ARPP19: variants seen among roughly 807,000 people sequenced by gnomAD.
ARPP19 encodes cAMP-regulated phosphoprotein 19.
Under a neutral mutation model 12.0 loss-of-function variants are expected in ARPP19, and 8 were observed. That is an observed-to-expected ratio of 0.67 (90% CI 0.39 to 1.21). The LOEUF (loss-of-function observed/expected upper bound fraction) is 1.21. ARPP19 is among the 50% of genes most tolerant of loss of function. The probability of loss-of-function intolerance (pLI) is 0.01; values close to 1 mark genes in which losing one functional copy is unlikely to be tolerated. For synonymous variants in ARPP19, 47 were observed against 50.4 expected, an observed-to-expected ratio of 0.93 and a Z score of 0.29; for missense variants, 102 against 136.3, an observed-to-expected ratio of 0.75 and a Z score of 1.25.
chr15:52,563,014 T>A (rs956723989), intron 1 of ARPP19, among the ~76,000 whole-genome samples: 4 of 151,828 alleles, frequency 2.6e-5, no homozygotes, highest in African/African-American at 9.7e-5. Flanking sequence ...TAGCTGGGAT[T>A]ACAGGTGCCC....
In ARPP19 at chr15:52,547,075, A is replaced by C. The variant is rs1255531576; in HGVS notation, c.*4859T>G. On this transcript the variant is annotated 3_prime_UTR_variant, in exon 3 of 3. Coordinates refer to ENST00000249822, the MANE Select transcript of ARPP19 (RefSeq NM_006628.6). The stretch of plus-strand genomic sequence containing the variant: ...ATCTGCAAACATTTAATCCTACCTT[A>C]AGTACAAAGCCTTTACAAATGCAAA... The C allele has an allele frequency of 6.9e-6, 1 of 144,018 alleles. No individual in the cohort carries two copies. Among genetic ancestry groups the C allele is most frequent in the Non-Finnish European group, 1.5e-5 (1 of 66,408 alleles). 8.9% of individuals were successfully genotyped at this position (144,018 alleles called of 1,614,324 possible).
rs374523578 is a variant in ARPP19, at chr15:52,556,906, C to A, written c.168+194G>T. On this transcript the variant is annotated intron_variant, in intron 2 of 2. Coordinates refer to ENST00000249822, the MANE Select transcript of ARPP19 (RefSeq NM_006628.6). ...TTTAAATAGTTTATTATTAAAAATG[C>A]TGAAGAGTTGTAGATTCTCACAATG... is the stretch of plus-strand genomic sequence containing the variant. 1.2e-3 allele frequency: 583 copies of A among 480,756 alleles called. 6 individuals carry two copies. The South Asian group carries it at 0.024, about 20-fold the overall frequency. 29.8% of individuals were successfully genotyped at this position (480,756 alleles called of 1,614,324 possible). A position where few individuals can be genotyped will look rare whatever the true frequency, so the allele number is the denominator to read the frequency against.
At chr15:52,557,021 A>G (rs1268741592) in intron 2 of ARPP19, 79 bp downstream of exon 2, 25 of 1,463,912 alleles carry the variant, frequency 1.7e-5, no homozygotes, top group Non-Finnish European at 2.3e-5. Context: ...TGCTATACGC[A>G]CAGATATCCG....
chr15:52,553,711 CAG>C (rs34579983), intron 2 of ARPP19, among the ~76,000 whole-genome samples: 83,533 of 152,002 alleles, frequency 0.55, 27,799 homozygotes, highest in Non-Finnish European at 0.73. Context: ...GGGAAGAAAA[CAG>C]ATAATATTTA....
rs779857968 is a variant in ARPP19 at position 52,562,532 on chromosome 15, G to A, written c.46-5310C>T. ...AAAATTTAAAAATTAGATAGGTGTC[G>A]TGGTAGATGCTTATATGCCTATAGT... On this transcript the variant is annotated intron_variant, in intron 1 of 2. Coordinates refer to ENST00000249822, the MANE Select transcript of ARPP19 (RefSeq NM_006628.6). Among the ~76,000 whole-genome samples the A allele has an allele frequency of 6.2e-4, 94 of 152,094 alleles. 2 individuals are homozygous for A. The highest frequency in any genetic ancestry group is 2.6e-4 in the Non-Finnish European group (18 of 68,028).
chr15:52,556,940 TAAACTGCA>T, intron 2 of ARPP19, 152 bp downstream of exon 2: 2 of 658,928 alleles, frequency 3.0e-6, no homozygotes, highest in Non-Finnish European at 4.9e-6. Context: ...TGCTTATTTA[TAAACTGCA>T]AAATATTGGA....
In ARPP19 at chr15:52,565,809, C is replaced by A. The variant is rs539205916; in HGVS notation, c.45+3039G>T. Among the ~76,000 whole-genome samples the A allele has an allele frequency of 3.3e-5, 5 of 152,310 alleles. No homozygotes were observed. The East Asian group carries it at 7.7e-4, about 23-fold the overall frequency. On this transcript the variant is annotated intron_variant, in intron 1 of 2. Coordinates refer to ENST00000249822, the MANE Select transcript of ARPP19 (RefSeq NM_006628.6). ...TTCAGCAAAATACCAAGCACACAAT[C>A]AAAAATTTAGACTGGCTTTGTTGTA...
rs1280128300 is a variant in ARPP19 at position 52,550,135 on chromosome 15, T to C, written c.*1799A>G. Reference sequence around the variant, plus strand: ...TGCAAGTCAAAGATGAAGAGAAAAATAGTAGCATCTCAAGCTACTGATCCT... The same window carrying C: ...TGCAAGTCAAAGATGAAGAGAAAAACAGTAGCATCTCAAGCTACTGATCCT... On this transcript the variant is annotated 3_prime_UTR_variant, in exon 3 of 3. Transcript: ENST00000249822. The C allele has an allele frequency of 6.6e-6, 1 of 152,114 alleles. No individual in the cohort carries two copies. The highest frequency in any genetic ancestry group is 1.5e-5 in the Non-Finnish European group (1 of 68,014). 9.4% of individuals were successfully genotyped at this position (152,114 alleles called of 1,614,324 possible).
intron 1 of ARPP19, among the ~76,000 whole-genome samples, chr15:52,558,134 T>C (rs896363609): frequency 1.3e-5 from 2 of 152,168 alleles, no homozygotes; most frequent in African/African-American, 2.4e-5. Flanking sequence ...TATTACTTCA[T>C]GGCAAGTACT....
intron 2 of ARPP19, 133 bp from the exon 3 acceptor site, chr15:52,552,237 GTC>G: frequency 1.6e-6 from 1 of 619,656 alleles, no homozygotes; most frequent in Non-Finnish European, 2.9e-6. Flanking sequence ...AGATGAAATA[GTC>G]TCTGTACTGA....
At chr15:52,564,833 T>C (rs1355626183) in intron 1 of ARPP19, among the ~76,000 whole-genome samples, 4 of 152,210 alleles carry the variant, frequency 2.6e-5, no homozygotes, top group Non-Finnish European at 4.4e-5. Context: ...CATCTTACCA[T>C]GGTCTATTCT....
intron 2 of ARPP19, among the ~76,000 whole-genome samples, chr15:52,556,252 T>C (rs1356624149): frequency 6.6e-6 from 1 of 152,134 alleles, no homozygotes; most frequent in Non-Finnish European, 1.5e-5. Flanking sequence ...AAACATGATT[T>C]AGCATCTCAT....
chr15:52,565,752 C>T (rs2078075569), intron 1 of ARPP19, among the ~76,000 whole-genome samples: 2 of 152,228 alleles, frequency 1.3e-5, no homozygotes. Context: ...TTAACAATTG[C>T]TGCCATATTC....
chr15:52,568,681 TCGGCG>T, intron 1 of ARPP19, 162 bp downstream of exon 1: 2 of 494,852 alleles, frequency 4.0e-6, no homozygotes, highest in Non-Finnish European at 7.1e-6. Context: ...TCCCAATTCG[TCGGCG>T]CACCAGCCAG....
At position 52,548,313 on chromosome 15, in the gene ARPP19, C is replaced by T. The variant is rs957448915; in HGVS notation, c.*3621G>A. On this transcript the variant is annotated 3_prime_UTR_variant, in exon 3 of 3. Coordinates refer to ENST00000249822, the MANE Select transcript of ARPP19 (RefSeq NM_006628.6). The stretch of plus-strand genomic sequence containing the variant: ...ACCAGCCTGGCCAACATGGTGAAAC[C>T]CCATCTCTACTAAAAGTACAAAAAT... 6.6e-6 allele frequency: 1 copy of T among 152,070 alleles called. No individual in the cohort carries two copies. The highest frequency in any genetic ancestry group is 2.4e-5 in the African/African-American group (1 of 41,394). 9.4% of individuals were successfully genotyped at this position (152,070 alleles called of 1,614,324 possible). A position where few individuals can be genotyped will look rare whatever the true frequency, so the allele number is the denominator to read the frequency against.
intron 1 of ARPP19, among the ~76,000 whole-genome samples, chr15:52,566,504 G>A (rs922501669): frequency 1.3e-5 from 2 of 152,138 alleles, no homozygotes; most frequent in South Asian, 4.2e-4. Context: ...CTGTAGCCTC[G>A]AACTCCTGGT....
At chr15:52,557,403 G>C (rs2077990707) in intron 1 of ARPP19, 181 bp from the exon 2 acceptor site, 1 of 566,900 alleles carries the variant, frequency 1.8e-6, no homozygotes, top group African/African-American at 1.9e-5. Context: ...AGATCCATGT[G>C]ATAGCTCTAT....
In ARPP19 at chr15:52,549,740, T is replaced by G. The variant is rs1227334287; in HGVS notation, c.*2194A>C. 2 of 152,650 alleles carry G rather than the reference T, an allele frequency of 1.3e-5. No individual in the cohort carries two copies. The highest frequency in any genetic ancestry group is 3.8e-4 in the East Asian group (2 of 5,204). 9.5% of individuals were successfully genotyped at this position (152,650 alleles called of 1,614,324 possible). On this transcript the variant is annotated 3_prime_UTR_variant, in exon 3 of 3. Coordinates refer to ENST00000249822, the MANE Select transcript of ARPP19 (RefSeq NM_006628.6). ...CAGATTAATCTTTCATGTGTGAATTTAATGGTAATTACTTGCAAATATTCA... is the reference window on the plus strand; with the variant it reads ...CAGATTAATCTTTCATGTGTGAATTGAATGGTAATTACTTGCAAATATTCA...
At position 52,551,076 on chromosome 15, in the gene ARPP19, CTTA is replaced by C. The variant is rs1273726020; in HGVS notation, c.*855_*857del. 6.6e-6 allele frequency: 1 copy of C among 152,636 alleles called. No homozygotes were observed. The highest frequency in any genetic ancestry group is 1.5e-5 in the Non-Finnish European group (1 of 68,044). The allele number at this position is 152,636 out of a possible 1,614,324, so 9.5% of individuals were successfully genotyped here. A position where few individuals can be genotyped will look rare whatever the true frequency, so the allele number is the denominator to read the frequency against. On this transcript the variant is annotated 3_prime_UTR_variant, in exon 3 of 3. Coordinates refer to ENST00000249822, the MANE Select transcript of ARPP19 (RefSeq NM_006628.6). Reference sequence around the variant, plus strand: ...TATAAGCCCGAGATTGTAAACTACTCTTATTATACAAAAGCTATAATGATTTAC... The same window carrying C: ...TATAAGCCCGAGATTGTAAACTACTCTTATACAAAAGCTATAATGATTTAC...
Sources: gnomAD v4.1 joint callset for allele counts (sites outside exome capture counted in the v4.1 genomes callset) on GRCh38, gnomAD v4.1.1 for gene constraint, MANE v1.5 for transcripts, NCBI Gene and HGNC (gene_info 2026-07-23, HGNC 2026-07-21) for gene names.